Variants in XKRX observed in about 807,000 individuals in gnomAD.
XKRX encodes XK-related protein 2.
Under a neutral mutation model 22.4 loss-of-function variants are expected in XKRX, and 11 were observed. The ratio of observed to expected loss-of-function variants is 0.49; its 90% CI spans 0.31 to 0.81. XKRX has a LOEUF of 0.81. XKRX is among the 40% of genes least tolerant of loss of function. XKRX has a pLI of 0.05. For missense variants in XKRX, 320 were observed against 336.5 expected (o/e 0.95, Z 0.38); for synonymous variants, 114 against 132.2 (o/e 0.86, Z 0.94).
the XKRX span, among the ~76,000 whole-genome samples, chrX:100,889,919 A>G: frequency 9.0e-6 from 1 of 111,601 alleles, no homozygotes; most frequent in African/African-American, 3.3e-5. Context: ...TGGGAGGATC[A>G]CCTGACCCCA....
At chrX:100,911,037 G>A (rs767383289), downstream of XKRX, 238 of 555,370 alleles carry the variant, frequency 4.3e-4, 1 homozygote, top group South Asian at 8.6e-4. Flanking sequence ...AAACAGAAAC[G>A]AAAAGAGAAG....
At chrX:100,917,624 GAGAAAGAAAGAAGAAAGA>G (rs2085444225) in intron 2 of XKRX, among the ~76,000 whole-genome samples, 1 of 55,085 alleles carries the variant, frequency 1.8e-5, no homozygotes, top group Non-Finnish European at 3.3e-5. Flanking sequence ...GAGAAAGAAA[GAGAAAGAAAGAAGAAAGA>G]AAGAAAGAAA....
At chrX:100,941,699 G>A in the XKRX span, among the ~76,000 whole-genome samples, 1 of 112,066 alleles carries the variant, frequency 8.9e-6, no homozygotes, top group Admixed American at 9.5e-5. Context: ...AGAGTCTGCT[G>A]TGGCTGTCAC....
At chrX:100,899,978 C>G in the XKRX span, among the ~76,000 whole-genome samples, 2 of 111,769 alleles carry the variant, frequency 1.8e-5, no homozygotes, top group Non-Finnish European at 3.8e-5. Flanking sequence ...ATCATTTTTG[C>G]AGAAATGGAA....
chrX:100,930,325 A>AATGATGATGATG (rs57252641), upstream of XKRX, among the ~76,000 whole-genome samples: 1 of 103,198 alleles, frequency 9.7e-6, no homozygotes, highest in African/African-American at 3.6e-5. Context: ...TAATAATAAT[A>AATGATGATGATG]ATGATGATTA....
chrX:100,957,008 T>G, the XKRX span: 1 of 1,088,570 alleles, frequency 9.2e-7, no homozygotes, highest in Non-Finnish European at 1.3e-6. Flanking sequence ...TGTTTTTCTG[T>G]GATGTTGATA....
At chrX:100,910,229 T>C (rs1295356638), downstream of XKRX, among the ~76,000 whole-genome samples, 3 of 111,102 alleles carry the variant, frequency 2.7e-5, no homozygotes, top group East Asian at 5.7e-4. Context: ...TCTGGCCCTG[T>C]CTCTGCCTCC....
chrX:100,903,589 G>C, the XKRX span, among the ~76,000 whole-genome samples: 1 of 111,991 alleles, frequency 8.9e-6, no homozygotes, highest in South Asian at 3.7e-4. Context: ...ATGAAATGGA[G>C]TTCCTGTTGC....
the XKRX span, among the ~76,000 whole-genome samples, chrX:100,900,729 G>C: frequency 9.1e-6 from 1 of 109,362 alleles, no homozygotes; most frequent in Non-Finnish European, 1.9e-5. Context: ...TAAGGGGAAG[G>C]GGGGTTTGAG....
In XKRX at chrX:100,917,674, A is replaced by AAAGAAAGAAAAGAAAGAAAG. The variant is rs34196882; in HGVS notation, c.605-2592_605-2591insCTTTCTTTCTTTTCTTTCTT. On this transcript the variant is annotated intron_variant, in intron 2 of 2. Coordinates refer to ENST00000372956, the MANE Select transcript of XKRX (RefSeq NM_212559.3). Reference sequence around the variant, plus strand: ...GAAAGAAAGAAAGAAAGAAAGAAAGAAAAGAAAGAAAGAAAGAAAGAAAGA... The same window carrying AAAGAAAGAAAAGAAAGAAAG: ...GAAAGAAAGAAAGAAAGAAAGAAAGAAAGAAAGAAAAGAAAGAAAGAAAGAAAGAAAGAAAGAAAGAAAGA... Among the ~76,000 whole-genome samples the AAAGAAAGAAAAGAAAGAAAG allele has an allele frequency of 8.3e-4, 21 of 25,395 alleles. 1 individual carries two copies. Among genetic ancestry groups the AAAGAAAGAAAAGAAAGAAAG allele is most frequent in the African/African-American group, 1.6e-3 (9 of 5,636 alleles). 22.1% of individuals were successfully genotyped at this position (25,395 alleles called of 115,157 possible).
At chrX:100,889,846 A>G in the XKRX span, among the ~76,000 whole-genome samples, 1 of 111,418 alleles carries the variant, frequency 9.0e-6, no homozygotes, top group Non-Finnish European at 1.9e-5. Context: ...TCTACAAAAA[A>G]TACAAAAATT....
At chrX:100,905,961 C>A in the XKRX span, among the ~76,000 whole-genome samples, 1 of 111,968 alleles carries the variant, frequency 8.9e-6, no homozygotes, top group Non-Finnish European at 1.9e-5. Flanking sequence ...GATATAGTTT[C>A]ATTTCTACAA....
chrX:100,891,352 C>T, the XKRX span, among the ~76,000 whole-genome samples: 2 of 111,138 alleles, frequency 1.8e-5, no homozygotes, highest in East Asian at 5.7e-4. Flanking sequence ...CTAACATACA[C>T]ATGGAACCAC....
intron 2 of XKRX, among the ~76,000 whole-genome samples, chrX:100,918,791 CCCTTCTTCCTTT>C (rs2085457670): frequency 9.0e-6 from 1 of 110,993 alleles, no homozygotes; most frequent in African/African-American, 3.3e-5. Flanking sequence ...CTTCCTTCTT[CCCTTCTTCCTTT>C]CCTTTTTCTC....
At chrX:100,888,878 G>A in the XKRX span, among the ~76,000 whole-genome samples, 1 of 110,646 alleles carries the variant, frequency 9.0e-6, no homozygotes, top group South Asian at 3.9e-4. Flanking sequence ...ATGTTGAATT[G>A]TGTCTCCCCA....
chrX:100,936,993 C>CT, the XKRX span, among the ~76,000 whole-genome samples: 6,863 of 95,452 alleles, frequency 0.072, 570 homozygotes, highest in African/African-American at 0.22. Flanking sequence ...CTAACACAGC[C>CT]TTTTTTTTTT....
chrX:100,901,996 T>C, the XKRX span, among the ~76,000 whole-genome samples: 4 of 96,535 alleles, frequency 4.1e-5, no homozygotes, highest in African/African-American at 7.8e-5. Flanking sequence ...CGAAACTCCA[T>C]CTGAAAAAAA....
the XKRX span, among the ~76,000 whole-genome samples, chrX:100,934,854 T>A: frequency 8.9e-6 from 1 of 112,162 alleles, no homozygotes; most frequent in Non-Finnish European, 1.9e-5. Flanking sequence ...ATGGTTCCAC[T>A]TTTTCCACAT....
the XKRX span, among the ~76,000 whole-genome samples, chrX:100,895,524 C>T: frequency 1.8e-5 from 2 of 111,656 alleles, no homozygotes; most frequent in African/African-American, 3.3e-5. Context: ...TCGACATTTC[C>T]GTTCTGAAGC....
Sources: allele counts gnomAD v4.1 joint callset (sites outside exome capture counted in the v4.1 genomes callset), GRCh38; gene constraint gnomAD v4.1.1; transcripts MANE v1.5; gene names NCBI Gene and HGNC (gene_info 2026-07-23, HGNC 2026-07-21).